CD99L2: variants seen among roughly 807,000 people sequenced by gnomAD.
The protein encoded by CD99L2 is CD99 molecule like 2.
A neutral mutation model predicts 27.3 loss-of-function variants in CD99L2; 24 were observed. The observed-to-expected ratio is 0.88, with a 90% CI of 0.64 to 1.24. The LOEUF (loss-of-function observed/expected upper bound fraction) is 1.24. Ranked by LOEUF, CD99L2 falls within the 50% of genes most tolerant of loss-of-function variation. The pLI, the probability that CD99L2 is intolerant of heterozygous loss-of-function variation, is 0.00. For missense variants in CD99L2, 255 were observed against 221.6 expected, an observed-to-expected ratio of 1.15 and a Z score of -0.96; for synonymous variants, 97 against 87.9, an observed-to-expected ratio of 1.10 and a Z score of -0.58.
intron 2 of CD99L2, among the ~76,000 whole-genome samples, chrX:150,823,316 C>T (rs928168003): frequency 3.6e-5 from 4 of 111,802 alleles, no homozygotes; most frequent in Admixed American, 2.8e-4. Flanking sequence ...GGCGGAATCT[C>T]ACTCTGTCGC....
rs898818031 is a variant in CD99L2 at position 150,840,039 on chromosome X, A to G, written c.68-8746T>C. 8.2e-5 allele frequency among the ~76,000 whole-genome samples: 9 copies of G among 109,242 alleles called. No individual in the cohort carries two copies. The East Asian group carries it at 2.6e-3, about 32-fold the overall frequency. 94.9% of individuals were successfully genotyped at this position (109,242 alleles called of 115,157 possible). ...GGCAACAGAGTAAGACTCCGTCTCA[A>G]AGAAAAAAAAAATTAGCTGGGCATG... On this transcript the variant is annotated intron_variant, in intron 1 of 10. Coordinates refer to ENST00000370377, the MANE Select transcript of CD99L2 (RefSeq NM_031462.4).
chrX:150,863,644 G>A (rs1214831767), intron 1 of CD99L2, among the ~76,000 whole-genome samples: 1 of 112,008 alleles, frequency 8.9e-6, no homozygotes, highest in African/African-American at 3.2e-5. Context: ...AGTGAAATCT[G>A]CCTGTATCAC....
chrX:150,862,170 A>G (rs11797953), intron 1 of CD99L2, among the ~76,000 whole-genome samples: 31,902 of 111,118 alleles, frequency 0.29, 3,616 homozygotes, highest in African/African-American at 0.41. Flanking sequence ...GCACTGTGAT[A>G]TAATACAAAG....
chrX:150,874,156 A>T (rs1017537569), intron 1 of CD99L2, among the ~76,000 whole-genome samples: 1 of 112,053 alleles, frequency 8.9e-6, no homozygotes, highest in African/African-American at 3.2e-5. Flanking sequence ...AAATGGGGCT[A>T]TGAGAGCCTC....
intron 4 of CD99L2, among the ~76,000 whole-genome samples, chrX:150,812,871 C>T (rs1603296985): frequency 8.9e-6 from 1 of 112,320 alleles, no homozygotes; most frequent in East Asian, 2.8e-4. Flanking sequence ...GCAATTAATA[C>T]ACCCAACAAT....
At chrX:150,808,429 T>C (rs1040830372) in intron 4 of CD99L2, among the ~76,000 whole-genome samples, 1 of 112,239 alleles carries the variant, frequency 8.9e-6, no homozygotes, top group Non-Finnish European at 1.9e-5. Flanking sequence ...TGGCACCAAA[T>C]GGTACTAGGA....
chrX:150,767,797 G>A lies in CD99L2; in HGVS notation c.*1237C>T, dbSNP rs1557418724. 9.0e-6 allele frequency: 1 copy of A among 111,563 alleles called. No individual in the cohort carries two copies. The highest frequency in any genetic ancestry group is 3.3e-5 in the African/African-American group (1 of 30,664). 9.2% of individuals were successfully genotyped at this position (111,563 alleles called of 1,213,427 possible). ...CAGCAAACTGACTATCAGTAGACAGGGGCCCTAGACCCTAGCATGTGGTTC... is the reference window on the plus strand; with the variant it reads ...CAGCAAACTGACTATCAGTAGACAGAGGCCCTAGACCCTAGCATGTGGTTC... On this transcript the variant is annotated 3_prime_UTR_variant, in exon 11 of 11. Coordinates refer to ENST00000370377, the MANE Select transcript of CD99L2 (RefSeq NM_031462.4).
Position 150,861,415 on chromosome X carries a change from C to T in CD99L2, c.68-30122G>A, listed in dbSNP as rs782179873. Among the ~76,000 whole-genome samples, 39 of 111,531 alleles carry T rather than the reference C, an allele frequency of 3.5e-4. 1 individual carries two copies. In the East Asian group the frequency reaches 7.0e-3, roughly 20 times the overall value. ...CATGGTATTGGTGTAAAAACAGACA[C>T]GTAGACCAATGGAACAGAATAGATA... On this transcript the variant is annotated intron_variant, in intron 1 of 10. Coordinates refer to ENST00000370377, the MANE Select transcript of CD99L2 (RefSeq NM_031462.4).
intron 7 of CD99L2, among the ~76,000 whole-genome samples, chrX:150,787,724 A>G (rs1344793265): frequency 1.3e-5 from 1 of 76,280 alleles, no homozygotes; most frequent in African/African-American, 5.0e-5. Context: ...GGTGGGGAAC[A>G]TCACACACTG....
intron 1 of CD99L2, among the ~76,000 whole-genome samples, chrX:150,893,399 T>C (rs1000736911): frequency 4.7e-4 from 52 of 109,652 alleles, no homozygotes; most frequent in African/African-American, 1.7e-3. Context: ...ACTCTGCAGA[T>C]GCTTTGTGGC....
At chrX:150,841,893 A>G (rs2046628471) in intron 1 of CD99L2, among the ~76,000 whole-genome samples, 1 of 111,810 alleles carries the variant, frequency 8.9e-6, no homozygotes, top group African/African-American at 3.3e-5. Context: ...ATGCACCTCA[A>G]AAGGTGCAAA....
At chrX:150,827,118 T>C (rs1449857206) in intron 2 of CD99L2, among the ~76,000 whole-genome samples, 2 of 110,858 alleles carry the variant, frequency 1.8e-5, no homozygotes, top group African/African-American at 3.3e-5. Flanking sequence ...TCAAAAAACA[T>C]TGGTGAATAA....
At chrX:150,864,600 C>A (rs782006643) in intron 1 of CD99L2, among the ~76,000 whole-genome samples, 1 of 112,155 alleles carries the variant, frequency 8.9e-6, no homozygotes, top group African/African-American at 3.2e-5. Flanking sequence ...GAACAGGGAA[C>A]TGGAGACACT....
At chrX:150,861,192 C>T (rs1382445770) in intron 1 of CD99L2, among the ~76,000 whole-genome samples, 3 of 104,402 alleles carry the variant, frequency 2.9e-5, no homozygotes, top group African/African-American at 1.1e-4. Flanking sequence ...CTGCCTAAAG[C>T]AATATACAGA....
chrX:150,873,400 G>A (rs994129915), intron 1 of CD99L2, among the ~76,000 whole-genome samples: 1 of 111,802 alleles, frequency 8.9e-6, no homozygotes, highest in Admixed American at 9.5e-5. Flanking sequence ...TGGTTGCCCA[G>A]GGTTGTGAGG....
At chrX:150,830,882 C>T (rs1355064665) in intron 2 of CD99L2, among the ~76,000 whole-genome samples, 13 of 110,679 alleles carry the variant, frequency 1.2e-4, no homozygotes, top group Admixed American at 7.7e-4. Flanking sequence ...GATCTTGGCT[C>T]ACTGCAACCT....
At chrX:150,846,188 T>A (rs1177783040) in intron 1 of CD99L2, among the ~76,000 whole-genome samples, 1 of 111,745 alleles carries the variant, frequency 8.9e-6, no homozygotes, top group Non-Finnish European at 1.9e-5. Context: ...CGAGACTCTA[T>A]CTCAAAAAAG....
chrX:150,862,024 C>T (rs975821610), intron 1 of CD99L2, among the ~76,000 whole-genome samples: 1 of 110,992 alleles, frequency 9.0e-6, no homozygotes, highest in Non-Finnish European at 1.9e-5. Flanking sequence ...TAAGACTAAA[C>T]CAGGAAGAAG....
At chrX:150,865,044 G>A (rs1557421995) in intron 1 of CD99L2, among the ~76,000 whole-genome samples, 1 of 102,957 alleles carries the variant, frequency 9.7e-6, no homozygotes, top group East Asian at 3.1e-4. Context: ...TCCAGCCTGG[G>A]AGACAGAGCG....
Sources: allele counts gnomAD v4.1 joint callset (sites outside exome capture counted in the v4.1 genomes callset), GRCh38; gene constraint gnomAD v4.1.1; transcripts MANE v1.5; gene names NCBI Gene and HGNC (gene_info 2026-07-23, HGNC 2026-07-21).